The following PDLIM1 variants were observed in gnomAD, a reference collection of about 807,000 sequenced individuals.
PDLIM1 encodes PDZ and LIM domain protein 1.
A neutral mutation model predicts 35.2 loss-of-function variants in PDLIM1; 25 were observed. That is an observed-to-expected ratio of 0.71 (90% CI 0.52 to 0.99). The LOEUF (loss-of-function observed/expected upper bound fraction) is 0.99. Ranked by LOEUF, PDLIM1 falls within the 50% of genes least tolerant of loss-of-function variation. The probability of loss-of-function intolerance (pLI) is 0.00; values close to 1 mark genes in which losing one functional copy is unlikely to be tolerated. For missense variants in PDLIM1, 363 were observed against 415.3 expected, an observed-to-expected ratio of 0.87 and a Z score of 1.09; for synonymous variants, 152 against 154.0, an observed-to-expected ratio of 0.99 and a Z score of 0.10.
chr10:95,254,426 T>C (rs2035293360), intron 4 of PDLIM1, among the ~76,000 whole-genome samples: 1 of 152,144 alleles, frequency 6.6e-6, no homozygotes, highest in African/African-American at 2.4e-5. Flanking sequence ...CACAAAAGGG[T>C]TAACTCACCA....
chr10:95,256,705 C>T (rs2133420216), intron 4 of PDLIM1, among the ~76,000 whole-genome samples: 1 of 152,256 alleles, frequency 6.6e-6, no homozygotes, highest in East Asian at 1.9e-4. Flanking sequence ...GAGACAGTGG[C>T]TCATGCCTGT....
chr10:95,247,117 A>C, intron 5 of PDLIM1, 98 bp downstream of exon 5: 1 of 1,053,518 alleles, frequency 9.5e-7, no homozygotes. Flanking sequence ...ATGCCCTCCA[A>C]AGCAGGCTCC....
At chr10:95,284,363 T>C (rs1291148313) in intron 1 of PDLIM1, among the ~76,000 whole-genome samples, 3 of 152,216 alleles carry the variant, frequency 2.0e-5, no homozygotes, top group East Asian at 1.9e-4. Context: ...GTATGCATTT[T>C]TTTTTTCTAG....
chr10:95,266,902 A>G (rs1470205255), intron 3 of PDLIM1, among the ~76,000 whole-genome samples: 2 of 152,208 alleles, frequency 1.3e-5, no homozygotes, highest in South Asian at 4.1e-4. Flanking sequence ...TCAGTCTCCA[A>G]GGAAACTCAA....
chr10:95,252,190 T>C (rs45535939), intron 4 of PDLIM1, among the ~76,000 whole-genome samples: 13,273 of 152,176 alleles, frequency 0.087, 700 homozygotes, highest in Middle Eastern at 0.17. Context: ...TACCCAGCTG[T>C]AATGAAGAAA....
chr10:95,240,030 C>T (rs7909905), intron 5 of PDLIM1, among the ~76,000 whole-genome samples: 52,549 of 152,068 alleles, frequency 0.35, 9,603 homozygotes, highest in Middle Eastern at 0.51. Context: ...AGAACGCTTT[C>T]ACACTGTTGG....
At chr10:95,254,308 C>A (rs1444486298) in intron 4 of PDLIM1, among the ~76,000 whole-genome samples, 2 of 152,024 alleles carry the variant, frequency 1.3e-5, no homozygotes, top group Non-Finnish European at 2.9e-5. Flanking sequence ...ATATATCATG[C>A]CAATATTAAT....
At chr10:95,280,047 A>G (rs895750349) in intron 1 of PDLIM1, among the ~76,000 whole-genome samples, 2 of 152,222 alleles carry the variant, frequency 1.3e-5, no homozygotes, top group Non-Finnish European at 2.9e-5. Flanking sequence ...AAGTATGAGC[A>G]TATTAGTCCT....
intron 4 of PDLIM1, among the ~76,000 whole-genome samples, chr10:95,256,248 G>A (rs1589510008): frequency 6.6e-6 from 1 of 152,068 alleles, no homozygotes; most frequent in Admixed American, 6.6e-5. Flanking sequence ...GAAGACCTAA[G>A]ACTGTTAAAA....
intron 3 of PDLIM1, among the ~76,000 whole-genome samples, chr10:95,266,270 T>C (rs1408899070): frequency 6.6e-6 from 1 of 152,060 alleles, no homozygotes. Context: ...AAAGAGTAGT[T>C]AAGTAAATTT....
At chr10:95,278,531 C>G (rs946203557) in intron 1 of PDLIM1, among the ~76,000 whole-genome samples, 14 of 151,224 alleles carry the variant, frequency 9.3e-5, no homozygotes, top group Admixed American at 6.6e-4. Context: ...GGTGGAATCA[C>G]GGAACACTCC....
At chr10:95,266,075 G>A (rs899650380) in intron 3 of PDLIM1, among the ~76,000 whole-genome samples, 3 of 151,924 alleles carry the variant, frequency 2.0e-5, no homozygotes, top group Non-Finnish European at 2.9e-5. Context: ...GCACCTGCCT[G>A]TAATCCCAGC....
intron 4 of PDLIM1, among the ~76,000 whole-genome samples, chr10:95,262,999 G>C (rs1033436672): frequency 2.0e-5 from 3 of 152,022 alleles, no homozygotes; most frequent in African/African-American, 7.3e-5. Context: ...GTAAAACTTA[G>C]CCAAGTGTGG....
Position 95,238,085 on chromosome 10 carries a change from CG to C in PDLIM1, c.829del (p.Arg277ValfsTer17). 6.2e-7 allele frequency: 1 copy of C among 1,613,940 alleles called. No homozygotes were observed. Among genetic ancestry groups the C allele is most frequent in the Non-Finnish European group, 8.5e-7 (1 of 1,179,928 alleles). ...IVGVFVKLRD[R>X]HRHPECYVCT... ...CACATAACACTCAGGGTGGCGGTGA[CG>C]GTCCCGCAGCTTCACAAACACACCA... On this transcript the variant is annotated frameshift_variant, in exon 7 of 7. Transcript: ENST00000329399. LOFTEE classifies it high-confidence loss of function.
intron 1 of PDLIM1, among the ~76,000 whole-genome samples, chr10:95,272,829 AC>A (rs1478398413): frequency 6.6e-6 from 1 of 152,136 alleles, no homozygotes; most frequent in Non-Finnish European, 1.5e-5. Flanking sequence ...TGCTTCTAAA[AC>A]CAGTGGTTCC....
intron 4 of PDLIM1, among the ~76,000 whole-genome samples, chr10:95,252,212 A>T (rs1564599605): frequency 6.6e-6 from 1 of 152,110 alleles, no homozygotes; most frequent in Non-Finnish European, 1.5e-5. Flanking sequence ...CCTAGGAGAG[A>T]ATCAGGACTC....
At chr10:95,261,200 A>C (rs1028728547) in intron 4 of PDLIM1, among the ~76,000 whole-genome samples, 1 of 152,228 alleles carries the variant, frequency 6.6e-6, no homozygotes, top group African/African-American at 2.4e-5. Flanking sequence ...GAAGAGAGAC[A>C]TTAATGAAGG....
chr10:95,287,310 C>T (rs573690321), intron 1 of PDLIM1, among the ~76,000 whole-genome samples: 12 of 152,254 alleles, frequency 7.9e-5, no homozygotes, highest in Admixed American at 5.9e-4. Flanking sequence ...TCAATCTTTA[C>T]GACATGATGT....
intron 4 of PDLIM1, among the ~76,000 whole-genome samples, chr10:95,260,900 A>G (rs2035355815): frequency 6.6e-6 from 1 of 152,236 alleles, no homozygotes; most frequent in Admixed American, 6.5e-5. Flanking sequence ...GTGGGAATGC[A>G]CTAGAAATAC....
Sources: allele counts gnomAD v4.1 joint callset (sites outside exome capture counted in the v4.1 genomes callset), GRCh38; gene constraint gnomAD v4.1.1; transcripts MANE v1.5; gene names NCBI Gene and HGNC (gene_info 2026-07-23, HGNC 2026-07-21).